NAALADL2: variants seen among roughly 807,000 people sequenced by gnomAD.
The protein encoded by NAALADL2 is inactive N-acetylated-alpha-linked acidic dipeptidase-like protein 2.
A neutral mutation model predicts 87.2 loss-of-function variants in NAALADL2; 76 were observed. The ratio of observed to expected loss-of-function variants is 0.87; its 90% confidence interval spans 0.72 to 1.05. The LOEUF (loss-of-function observed/expected upper bound fraction) is 1.05. Ranked by LOEUF, NAALADL2 falls within the 50% of genes least tolerant of loss-of-function variation. The pLI, the probability that NAALADL2 is intolerant of heterozygous loss-of-function variation, is 0.00. For synonymous variants in NAALADL2, 354 were observed against 331.0 expected, an observed-to-expected ratio of 1.07 and a Z score of -0.75; for missense variants, 1,089 against 945.8, an observed-to-expected ratio of 1.15 and a Z score of -1.99.
intron 9 of NAALADL2, among the ~76,000 whole-genome samples, chr3:175,528,822 A>G (rs1469460643): frequency 1.3e-5 from 2 of 152,236 alleles, no homozygotes; most frequent in Non-Finnish European, 2.9e-5. Context: ...ATATTTTGTT[A>G]GTACAAGAGT....
chr3:175,611,235 A>G lies in NAALADL2; in HGVS notation c.1801-16056A>G, dbSNP rs545039287. 2.0e-5 allele frequency among the ~76,000 whole-genome samples: 3 copies of G among 152,258 alleles called. No individual in the cohort carries two copies. The East Asian group carries it at 5.8e-4, about 29-fold the overall frequency. ...GTACTTTGATTAAGGCACTTTTACA[A>G]AGGCAAATAATAATTTCAAGTGAAA... On this transcript the variant is annotated intron_variant, in intron 10 of 13. Coordinates refer to ENST00000454872, the MANE Select transcript of NAALADL2 (RefSeq NM_207015.3).
chr3:175,034,079 T>C lies in NAALADL2; in HGVS notation c.44-62711T>C, dbSNP rs1025485849. Among the ~76,000 whole-genome samples the C allele has an allele frequency of 1.3e-5, 2 of 152,172 alleles. 1 individual carries two copies. The highest frequency in any genetic ancestry group is 4.1e-4 in the South Asian group (2 of 4,826). On this transcript the variant is annotated intron_variant, in intron 1 of 13. Coordinates refer to ENST00000454872, the MANE Select transcript of NAALADL2 (RefSeq NM_207015.3). ...ACTGTCACATCTCCTTAATCTTCTT[T>C]CTCTCATGCCATGTATAATCCATGA...
At chr3:175,403,039 A>C (rs1275856718) in intron 5 of NAALADL2, among the ~76,000 whole-genome samples, 2 of 151,956 alleles carry the variant, frequency 1.3e-5, no homozygotes, top group Non-Finnish European at 2.9e-5. Flanking sequence ...TTCTGGTTTG[A>C]GCTTTATTTT....
chr3:175,136,412 T>TCAACTTTCTC (rs369356422), intron 2 of NAALADL2, among the ~76,000 whole-genome samples: 145 of 152,296 alleles, frequency 9.5e-4, no homozygotes, highest in African/African-American at 3.3e-3. Flanking sequence ...TCCAGTGCTT[T>TCAACTTTCTC]CAACTTTCTC....
chr3:174,888,785 T>C (rs1261770889), intron 1 of NAALADL2, among the ~76,000 whole-genome samples: 2 of 152,232 alleles, frequency 1.3e-5, no homozygotes, highest in Non-Finnish European at 2.9e-5. Flanking sequence ...TACTGTATTA[T>C]TATGGTGCTG....
At chr3:175,499,764 T>G (rs553280039) in intron 9 of NAALADL2, among the ~76,000 whole-genome samples, 12 of 152,130 alleles carry the variant, frequency 7.9e-5, no homozygotes, top group Non-Finnish European at 1.2e-4. Flanking sequence ...ATATTAGCTG[T>G]GTTTTTATTA....
At chr3:174,715,518 A>T (rs1383486916) in intron 2 of NAALADL2, among the ~76,000 whole-genome samples, 1 of 152,140 alleles carries the variant, frequency 6.6e-6, no homozygotes, top group Non-Finnish European at 1.5e-5. Flanking sequence ...AAATATGGAT[A>T]GGCATTCTCA....
intron 1 of NAALADL2, among the ~76,000 whole-genome samples, chr3:174,979,569 TGC>T: frequency 6.6e-6 from 1 of 152,100 alleles, no homozygotes; most frequent in South Asian, 2.1e-4. Context: ...CCTCCCAAAG[TGC>T]TGGGATTACA....
chr3:174,852,388 A>C (rs1725349723), intron 3 of NAALADL2, among the ~76,000 whole-genome samples: 1 of 152,202 alleles, frequency 6.6e-6, no homozygotes, highest in Non-Finnish European at 1.5e-5. Flanking sequence ...ACACGAAGTT[A>C]ACATACAAAT....
intron 4 of NAALADL2, among the ~76,000 whole-genome samples, chr3:175,279,695 G>C (rs979676064): frequency 6.6e-6 from 1 of 151,822 alleles, no homozygotes; most frequent in Non-Finnish European, 1.5e-5. Flanking sequence ...GAATGATCTA[G>C]AGTGATAATG....
intron 2 of NAALADL2, among the ~76,000 whole-genome samples, chr3:175,104,809 A>G (rs143062956): frequency 6.6e-6 from 1 of 152,234 alleles, no homozygotes; most frequent in Admixed American, 6.5e-5. Context: ...ACAAATGTAC[A>G]TTGTCTGAAG....
At chr3:175,355,760 T>C (rs986169375) in intron 5 of NAALADL2, among the ~76,000 whole-genome samples, 4 of 152,134 alleles carry the variant, frequency 2.6e-5, no homozygotes, top group Non-Finnish European at 2.9e-5. Context: ...TTGCTTCCAA[T>C]GTGAGTGTAG....
chr3:175,594,993 C>G (rs1404346477), intron 10 of NAALADL2, among the ~76,000 whole-genome samples: 1 of 152,038 alleles, frequency 6.6e-6, no homozygotes, highest in East Asian at 1.9e-4. Flanking sequence ...TGCAGAAGCT[C>G]TTTAGTTTAA....
intron 2 of NAALADL2, among the ~76,000 whole-genome samples, chr3:175,222,587 C>T (rs1403271204): frequency 2.6e-5 from 4 of 152,080 alleles, no homozygotes; most frequent in African/African-American, 9.7e-5. Context: ...TCTTAGAAAC[C>T]TCCCATTATT....
upstream of NAALADL2, among the ~76,000 whole-genome samples, chr3:174,856,648 G>A (rs760344368): frequency 1.3e-5 from 2 of 152,088 alleles, no homozygotes; most frequent in African/African-American, 2.4e-5. Context: ...TATGAGGCTG[G>A]CAATTCAGAT....
intron 3 of NAALADL2, among the ~76,000 whole-genome samples, chr3:174,794,822 C>A (rs1359497819): frequency 6.6e-6 from 1 of 151,764 alleles, no homozygotes; most frequent in Non-Finnish European, 1.5e-5. Flanking sequence ...TTATTGTCTC[C>A]ATTTGGTCAT....
At chr3:174,738,437 A>G (rs1733423818) in intron 3 of NAALADL2, among the ~76,000 whole-genome samples, 1 of 152,206 alleles carries the variant, frequency 6.6e-6, no homozygotes, top group South Asian at 2.1e-4. Context: ...GAGTTAGATT[A>G]AATAAGGGAA....
chr3:175,199,813 G>T (rs1459227860), intron 2 of NAALADL2, among the ~76,000 whole-genome samples: 1 of 80,482 alleles, frequency 1.2e-5, no homozygotes, highest in African/African-American at 4.1e-5. Context: ...GTGTAGGGGG[G>T]AAAGAAATAT....
chr3:175,190,198 A>G (rs981613512), intron 2 of NAALADL2, among the ~76,000 whole-genome samples: 4 of 152,106 alleles, frequency 2.6e-5, no homozygotes, highest in African/African-American at 9.7e-5. Flanking sequence ...AGAAACAAAA[A>G]TAATTAAATA....
Sources: gnomAD v4.1 joint callset for allele counts (sites outside exome capture counted in the v4.1 genomes callset) on GRCh38, gnomAD v4.1.1 for gene constraint, MANE v1.5 for transcripts, NCBI Gene and HGNC (gene_info 2026-07-23, HGNC 2026-07-21) for gene names.